The following PTPRT variants were observed in gnomAD, a reference collection of about 807,000 sequenced individuals.
PTPRT encodes receptor-type tyrosine-protein phosphatase T.
Under a neutral mutation model 176.8 loss-of-function variants are expected in PTPRT, and 56 were observed. The ratio of observed to expected loss-of-function variants is 0.32; its 90% confidence interval spans 0.26 to 0.40. The LOEUF (loss-of-function observed/expected upper bound fraction) is 0.40, where lower values mean the gene tolerates loss of function less well. PTPRT is among the 10% of genes least tolerant of loss of function. PTPRT has a pLI of 1.00. For synonymous variants in PTPRT, 783 were observed against 739.0 expected, an observed-to-expected ratio of 1.06 and a Z score of -0.96; for missense variants, 1,540 against 1,908.2, an observed-to-expected ratio of 0.81 and a Z score of 3.60.
intron 6 of PTPRT, among the ~76,000 whole-genome samples, chr20:42,752,485 C>A (rs561757777): frequency 6.6e-6 from 1 of 152,204 alleles, no homozygotes; most frequent in South Asian, 2.1e-4. Flanking sequence ...TATCTCCTGC[C>A]CTGAACTGGA....
Position 42,976,761 on chromosome 20 carries a change from C to T in PTPRT, c.89-90829G>A, listed in dbSNP as rs74273949. Among the ~76,000 whole-genome samples the T allele has an allele frequency of 9.0e-4, 137 of 152,320 alleles. 1 individual carries two copies. The East Asian group carries it at 0.018, about 20-fold the overall frequency. On this transcript the variant is annotated intron_variant, in intron 1 of 30. Coordinates refer to ENST00000373187, the MANE Select transcript of PTPRT (RefSeq NM_007050.6). ...AACATGGGATTACTACATCAAAATA[C>T]AGGAAGATGCTTAAAGGCTCTTGAT...
intron 2 of PTPRT, among the ~76,000 whole-genome samples, chr20:42,854,129 A>G (rs1355990106): frequency 3.9e-5 from 6 of 152,162 alleles, no homozygotes; most frequent in Non-Finnish European, 7.3e-5. Context: ...TTATACCCAG[A>G]GTGTTTCTGT....
chr20:42,623,790 G>A (rs527270041), intron 7 of PTPRT, among the ~76,000 whole-genome samples: 2 of 151,666 alleles, frequency 1.3e-5, no homozygotes, highest in East Asian at 1.9e-4. Context: ...TCCTGGACTT[G>A]TGTTCCCACA....
rs1326771118 is a variant in PTPRT, at chr20:42,106,879, G to A, written c.3297C>T (p.Thr1099=). ...GRTGCFIAID[T]MLDMAENEGV... ...CTTCATTCTCGGCCATGTCAAGCAT[G>A]GTGTCAATGGCAATGAAGCAGCCAG... is the stretch of plus-strand genomic sequence containing the variant. Residue 1099 remains threonine (T), a synonymous_variant, in exon 24 of 31, where the codon ACC becomes ACT. Coordinates refer to ENST00000373187, the MANE Select transcript of PTPRT (RefSeq NM_007050.6). 3 of 1,614,142 alleles carry A rather than the reference G, an allele frequency of 1.9e-6. No individual in the cohort carries two copies. The highest frequency in any genetic ancestry group is 1.7e-5 in the Admixed American group (1 of 60,020).
intron 17 of PTPRT, among the ~76,000 whole-genome samples, chr20:42,157,261 C>T (rs1407186242): frequency 2.6e-5 from 4 of 152,134 alleles, no homozygotes; most frequent in African/African-American, 9.7e-5. Context: ...CTTCATGTCC[C>T]TGGAACAAAT....
chr20:42,470,987 T>G (rs184044551), intron 8 of PTPRT, among the ~76,000 whole-genome samples: 1 of 152,070 alleles, frequency 6.6e-6, no homozygotes, highest in Admixed American at 6.5e-5. Context: ...GTCTCTATCT[T>G]GAGTTACTAG....
chr20:42,326,521 C>T (rs990655112), intron 11 of PTPRT, among the ~76,000 whole-genome samples: 2 of 152,112 alleles, frequency 1.3e-5, no homozygotes, highest in Admixed American at 6.5e-5. Context: ...ATACACTGTA[C>T]ACCATGGAAA....
chr20:42,610,156 C>T (rs1236750278), intron 7 of PTPRT, among the ~76,000 whole-genome samples: 4 of 152,152 alleles, frequency 2.6e-5, no homozygotes, highest in Non-Finnish European at 5.9e-5. Context: ...GACACTTTCA[C>T]GTGAATAAAA....
At chr20:42,186,258 A>C (rs970248879) in intron 16 of PTPRT, among the ~76,000 whole-genome samples, 1 of 152,054 alleles carries the variant, frequency 6.6e-6, no homozygotes, top group Non-Finnish European at 1.5e-5. Context: ...ATTGTAGTAC[A>C]AAAGCAACCA....
At chr20:42,276,158 T>C (rs1188033884) in intron 13 of PTPRT, among the ~76,000 whole-genome samples, 1 of 152,000 alleles carries the variant, frequency 6.6e-6, no homozygotes, top group African/African-American at 2.4e-5. Flanking sequence ...GACAGTGTCA[T>C]AGTCAAGGCT....
chr20:42,164,054 T>C lies in PTPRT; in HGVS notation c.2492-2512A>G, dbSNP rs138323004. 3.2e-4 allele frequency among the ~76,000 whole-genome samples: 49 copies of C among 152,342 alleles called. 1 individual carries two copies. The highest frequency in any genetic ancestry group is 1.4e-3 in the Admixed American group (22 of 15,306). On this transcript the variant is annotated intron_variant, in intron 16 of 30. Coordinates refer to ENST00000373187, the MANE Select transcript of PTPRT (RefSeq NM_007050.6). Reference sequence around the variant, plus strand: ...GAGCCACAGAGGTATGGATGCTGCATACCTAAAGCTTGGAGTCATGCCATA... The same window carrying C: ...GAGCCACAGAGGTATGGATGCTGCACACCTAAAGCTTGGAGTCATGCCATA...
chr20:42,767,889 C>T (rs142257231), intron 5 of PTPRT, among the ~76,000 whole-genome samples: 4,568 of 141,460 alleles, frequency 0.032, 234 homozygotes, highest in African/African-American at 0.11. Flanking sequence ...TTATACATAA[C>T]TTAGGATAAC....
At chr20:42,577,323 G>T (rs898408257) in intron 7 of PTPRT, among the ~76,000 whole-genome samples, 1 of 152,128 alleles carries the variant, frequency 6.6e-6, no homozygotes, top group Non-Finnish European at 1.5e-5. Context: ...CCACACCTCT[G>T]CACAAGGCGG....
rs566126585 is a variant in PTPRT at position 42,434,196 on chromosome 20, T to C, written c.1560+14024A>G. Among the ~76,000 whole-genome samples, 26 of 152,352 alleles carry C rather than the reference T, an allele frequency of 1.7e-4. No homozygotes were observed. In the South Asian group the frequency reaches 4.6e-3, roughly 27 times the overall value. On this transcript the variant is annotated intron_variant, in intron 9 of 30. Transcript: ENST00000373187. ...CACTCCCTATTTTTCTAACACTATA[T>C]ACTATTGTTATATTGTCACTAACAT...
intron 7 of PTPRT, among the ~76,000 whole-genome samples, chr20:42,647,663 C>T (rs1418927900): frequency 6.6e-6 from 1 of 152,132 alleles, no homozygotes; most frequent in Non-Finnish European, 1.5e-5. Flanking sequence ...TTGAGCATTC[C>T]ACCCTCAGCG....
At chr20:42,805,706 T>A (rs2077596258) in intron 2 of PTPRT, among the ~76,000 whole-genome samples, 1 of 152,214 alleles carries the variant, frequency 6.6e-6, no homozygotes. Context: ...CTTTCGAGGC[T>A]CTGAAGTACC....
chr20:42,692,905 G>A (rs1027283905), intron 6 of PTPRT, among the ~76,000 whole-genome samples: 11 of 152,118 alleles, frequency 7.2e-5, no homozygotes, highest in Admixed American at 7.2e-4. Flanking sequence ...CTAGGGGAAG[G>A]AGTAGTCGAC....
chr20:42,893,089 G>A (rs939617517), intron 1 of PTPRT, among the ~76,000 whole-genome samples: 1 of 152,046 alleles, frequency 6.6e-6, no homozygotes, highest in African/African-American at 2.4e-5. Flanking sequence ...CCTACAAAAT[G>A]GGAGAAAATT....
rs1043736992 is a variant in PTPRT at position 42,681,806 on chromosome 20, T to C, written c.860-3647A>G. Reference sequence around the variant, plus strand: ...GGAGCCAGACCTAGGTAAGAGCTTATGGATCCATAAAGGGATACACATATA... The same window carrying C: ...GGAGCCAGACCTAGGTAAGAGCTTACGGATCCATAAAGGGATACACATATA... On this transcript the variant is annotated intron_variant, in intron 6 of 30. Coordinates refer to ENST00000373187, the MANE Select transcript of PTPRT (RefSeq NM_007050.6). Among the ~76,000 whole-genome samples, 5 of 152,166 alleles carry C rather than the reference T, an allele frequency of 3.3e-5. 1 individual carries two copies. The highest frequency in any genetic ancestry group is 4.1e-4 in the South Asian group (2 of 4,826).
Sources: gnomAD v4.1 joint callset for allele counts (sites outside exome capture counted in the v4.1 genomes callset) on GRCh38, gnomAD v4.1.1 for gene constraint, MANE v1.5 for transcripts, NCBI Gene and HGNC (gene_info 2026-07-23, HGNC 2026-07-21) for gene names.